Variants in STPG2 observed in about 807,000 individuals in gnomAD.
STPG2 encodes the protein sperm tail PG-rich repeat containing 2.
Under a neutral mutation model 54.2 loss-of-function variants are expected in STPG2, and 56 were observed. That is an observed-to-expected ratio of 1.03 (90% CI 0.83 to 1.29). The LOEUF (loss-of-function observed/expected upper bound fraction) is 1.29, where lower values mean the gene tolerates loss of function less well. STPG2 is among the 50% of genes most tolerant of loss of function. The pLI is 0.00. For missense variants in STPG2, 596 were observed against 544.9 expected (o/e 1.09, Z -0.93); for synonymous variants, 200 against 181.8 (o/e 1.10, Z -0.81).
chr4:97,510,468 T>A (rs997749721), intron 4 of STPG2, among the ~76,000 whole-genome samples: 2 of 151,818 alleles, frequency 1.3e-5, no homozygotes, highest in African/African-American at 2.4e-5. Flanking sequence ...AATCATTGAT[T>A]CATTCACATG....
chr4:97,791,014 C>T (rs1409228323), intron 9 of STPG2, among the ~76,000 whole-genome samples: 2 of 152,098 alleles, frequency 1.3e-5, no homozygotes, highest in Non-Finnish European at 2.9e-5. Flanking sequence ...TTTGCATACT[C>T]TCTAAGTAAT....
In STPG2 at chr4:97,922,022, C is replaced by G. The variant is rs567211043; in HGVS notation, c.1044+21875G>C. On this transcript the variant is annotated intron_variant, in intron 8 of 10. Coordinates refer to ENST00000295268, the MANE Select transcript of STPG2 (RefSeq NM_174952.3). ...ATGGTGGTTTCCAGGAGCTGGAGGG[C>G]AGGTGAAGAAATGGAGAGATTTAGG... 2.0e-5 allele frequency among the ~76,000 whole-genome samples: 3 copies of G among 152,006 alleles called. No homozygotes were observed. In the South Asian group the frequency reaches 6.2e-4, roughly 32 times the overall value.
intron 4 of STPG2, among the ~76,000 whole-genome samples, chr4:97,491,633 A>C (rs1237617051): frequency 1.3e-5 from 2 of 151,622 alleles, no homozygotes; most frequent in Non-Finnish European, 3.0e-5. Flanking sequence ...GCAAGAGTAC[A>C]TGCAAAGGCA....
At chr4:97,739,348 A>G (rs1485944314) in intron 9 of STPG2, among the ~76,000 whole-genome samples, 9 of 152,188 alleles carry the variant, frequency 5.9e-5, no homozygotes, top group Admixed American at 5.2e-4. Context: ...GCAGAAGGCA[A>G]GAAATAACTA....
At chr4:97,522,645 T>A (rs1343241305) in intron 4 of STPG2, among the ~76,000 whole-genome samples, 1 of 152,030 alleles carries the variant, frequency 6.6e-6, no homozygotes, top group Admixed American at 6.6e-5. Context: ...CTGCAGAGTA[T>A]GTGCATCTTT....
chr4:97,443,857 A>G (rs73834633), intron 4 of STPG2, among the ~76,000 whole-genome samples: 37 of 152,308 alleles, frequency 2.4e-4, no homozygotes, highest in African/African-American at 8.9e-4. Flanking sequence ...AAACTAAAAC[A>G]TAAGCAGAAC....
At chr4:97,909,294 T>A (rs1386896517) in intron 8 of STPG2, among the ~76,000 whole-genome samples, 1 of 151,804 alleles carries the variant, frequency 6.6e-6, no homozygotes, top group Non-Finnish European at 1.5e-5. Flanking sequence ...AAGAAAAAAA[T>A]GAAAAATAAT....
intron 8 of STPG2, among the ~76,000 whole-genome samples, chr4:97,888,595 C>T (rs747344418): frequency 6.6e-6 from 1 of 152,176 alleles, no homozygotes; most frequent in African/African-American, 2.4e-5. Context: ...TTTGATTTTA[C>T]AGGCTCACAG....
At chr4:98,022,442 C>T (rs561862167) in intron 5 of STPG2, among the ~76,000 whole-genome samples, 1 of 152,120 alleles carries the variant, frequency 6.6e-6, no homozygotes, top group Non-Finnish European at 1.5e-5. Context: ...TCTCTGGCTG[C>T]CCCTAACATT....
intron 8 of STPG2, among the ~76,000 whole-genome samples, chr4:97,927,714 T>C (rs1193257056): frequency 6.6e-6 from 1 of 152,120 alleles, no homozygotes; most frequent in Non-Finnish European, 1.5e-5. Context: ...GTGACTTCTA[T>C]TGGATTGCCT....
At chr4:97,511,684 T>C (rs1730976365) in intron 4 of STPG2, among the ~76,000 whole-genome samples, 1 of 152,086 alleles carries the variant, frequency 6.6e-6, no homozygotes, top group Admixed American at 6.6e-5. Flanking sequence ...TTTTCAAGCA[T>C]GTCAAGCATT....
At chr4:97,503,203 A>G (rs1730764460) in intron 4 of STPG2, among the ~76,000 whole-genome samples, 1 of 152,096 alleles carries the variant, frequency 6.6e-6, no homozygotes, top group East Asian at 1.9e-4. Context: ...TTAAATTTTC[A>G]GAATCTCTAT....
intron 4 of STPG2, among the ~76,000 whole-genome samples, chr4:97,494,072 A>G (rs1730558612): frequency 6.6e-6 from 1 of 151,566 alleles, no homozygotes; most frequent in African/African-American, 2.4e-5. Context: ...TGTCCCACAG[A>G]ACTCTGAAGT....
rs183008759 is a variant in STPG2 at position 97,499,887 on chromosome 4, T to G, written c.462+212812A>C. On this transcript the variant is annotated intron_variant, in intron 4 of 4. Transcript: ENST00000522676. ...GTAGAGGTTAGTATTAAATAGAAGA[T>G]GGGATAAAAGAGTAATTGGGCTGGG... Among the ~76,000 whole-genome samples the G allele has an allele frequency of 2.6e-5, 4 of 152,032 alleles. No individual in the cohort carries two copies. In the East Asian group the frequency reaches 7.8e-4, roughly 30 times the overall value.
intron 10 of STPG2, among the ~76,000 whole-genome samples, chr4:97,653,285 G>T (rs952729699): frequency 1.3e-5 from 2 of 151,678 alleles, no homozygotes; most frequent in Non-Finnish European, 2.9e-5. Context: ...TTCCTTATTT[G>T]TCTAATTTTG....
At chr4:98,141,368 G>A (rs1186193952) in intron 1 of STPG2, among the ~76,000 whole-genome samples, 2 of 152,150 alleles carry the variant, frequency 1.3e-5, no homozygotes, top group Non-Finnish European at 2.9e-5. Context: ...CTAAGAGCCA[G>A]GCACTCTTTT....
At chr4:97,648,185 A>T (rs1721965135) in intron 10 of STPG2, among the ~76,000 whole-genome samples, 1 of 152,092 alleles carries the variant, frequency 6.6e-6, no homozygotes, top group Non-Finnish European at 1.5e-5. Context: ...ACAGATATAG[A>T]CATATTTCAA....
At chr4:97,907,677 C>T (rs568404250) in intron 8 of STPG2, among the ~76,000 whole-genome samples, 13 of 152,116 alleles carry the variant, frequency 8.5e-5, no homozygotes, top group Middle Eastern at 3.4e-3. Flanking sequence ...GAGATATAGA[C>T]CAATGGAACA....
At chr4:97,525,153 TC>T (rs1731256726) in intron 4 of STPG2, among the ~76,000 whole-genome samples, 3 of 151,958 alleles carry the variant, frequency 2.0e-5, no homozygotes, top group Admixed American at 6.6e-5. Flanking sequence ...TGATATGCTT[TC>T]AAAAGCACAA....
Sources: gnomAD v4.1 joint callset for allele counts (sites outside exome capture counted in the v4.1 genomes callset) on GRCh38, gnomAD v4.1.1 for gene constraint, MANE v1.5 for transcripts, NCBI Gene and HGNC (gene_info 2026-07-23, HGNC 2026-07-21) for gene names.